The following ANGPT1 variants were observed in gnomAD, a reference collection of about 807,000 sequenced individuals.
The protein encoded by ANGPT1 is angiopoietin 1, also known as angiopoietin-1.
Under a neutral mutation model 62.2 loss-of-function variants are expected in ANGPT1, and 17 were observed. The observed-to-expected ratio is 0.27, with a 90% CI of 0.19 to 0.41. The LOEUF is 0.41. Ranked by LOEUF, ANGPT1 falls within the 10% of genes least tolerant of loss-of-function variation. The pLI, the probability that ANGPT1 is intolerant of heterozygous loss-of-function variation, is 1.00. For missense variants in ANGPT1, 478 were observed against 594.9 expected, an observed-to-expected ratio of 0.80 and a Z score of 2.04; for synonymous variants, 199 against 198.9, an observed-to-expected ratio of 1.00 and a Z score of 0.00.
intron 1 of ANGPT1, among the ~76,000 whole-genome samples, chr8:107,374,356 C>T (rs373973917): frequency 1.3e-5 from 2 of 152,130 alleles, no homozygotes; most frequent in Admixed American, 1.3e-4. Context: ...GTATTTTACA[C>T]AATGGCAGTT....
intron 1 of ANGPT1, among the ~76,000 whole-genome samples, chr8:107,393,542 G>C (rs1226238991): frequency 6.6e-6 from 1 of 152,160 alleles, no homozygotes; most frequent in Non-Finnish European, 1.5e-5. Flanking sequence ...GGGTGCAGCG[G>C]CTCACGCCTG....
At chr8:107,254,965 G>A (rs1338123685) in intron 8 of ANGPT1, among the ~76,000 whole-genome samples, 3 of 151,768 alleles carry the variant, frequency 2.0e-5, no homozygotes, top group African/African-American at 7.3e-5. Flanking sequence ...AAGCCATCCT[G>A]AGCATATGTG....
At chr8:107,274,418 T>C (rs1813811326) in intron 7 of ANGPT1, among the ~76,000 whole-genome samples, 1 of 152,132 alleles carries the variant, frequency 6.6e-6, no homozygotes, top group Non-Finnish European at 1.5e-5. Context: ...AGCAAAACTG[T>C]AGCCAGTTAA....
At chr8:107,413,441 G>C (rs1415131567) in intron 1 of ANGPT1, among the ~76,000 whole-genome samples, 1 of 151,976 alleles carries the variant, frequency 6.6e-6, no homozygotes, top group Non-Finnish European at 1.5e-5. Flanking sequence ...ATACTGTTGG[G>C]ACTGTAGTGA....
chr8:107,301,593 G>T (rs563761158), intron 5 of ANGPT1, among the ~76,000 whole-genome samples: 2 of 151,894 alleles, frequency 1.3e-5, no homozygotes, highest in South Asian at 2.1e-4. Context: ...TAAGCCATGG[G>T]ATTCAATGTA....
chr8:107,280,746 G>A (rs751594693), intron 7 of ANGPT1, among the ~76,000 whole-genome samples: 7 of 152,140 alleles, frequency 4.6e-5, no homozygotes, highest in South Asian at 2.1e-4. Context: ...GCCAGGTCAC[G>A]AAGAGTCTTA....
chr8:107,441,239 T>C (rs1811466561), intron 1 of ANGPT1, among the ~76,000 whole-genome samples: 1 of 152,222 alleles, frequency 6.6e-6, no homozygotes, highest in African/African-American at 2.4e-5. Context: ...TATCTATCCT[T>C]AATCATCTTT....
intron 7 of ANGPT1, among the ~76,000 whole-genome samples, chr8:107,271,533 T>C (rs1021555053): frequency 6.6e-6 from 1 of 151,722 alleles, no homozygotes; most frequent in Non-Finnish European, 1.5e-5. Flanking sequence ...GAGATACAGC[T>C]CATGAGGACA....
intron 1 of ANGPT1, among the ~76,000 whole-genome samples, chr8:107,446,924 C>T (rs1811638646): frequency 6.6e-6 from 1 of 152,120 alleles, no homozygotes; most frequent in Admixed American, 6.5e-5. Context: ...ACTCAGCTTC[C>T]AATTTTCCAC....
chr8:107,299,973 T>A (rs1814538690), intron 5 of ANGPT1, among the ~76,000 whole-genome samples: 2 of 134,496 alleles, frequency 1.5e-5, no homozygotes, highest in Admixed American at 7.5e-5. Flanking sequence ...TATATACTAG[T>A]TATATCTAGA....
chr8:107,409,787 AC>A (rs1412495398), intron 1 of ANGPT1, among the ~76,000 whole-genome samples: 2 of 151,858 alleles, frequency 1.3e-5, no homozygotes, highest in Non-Finnish European at 2.9e-5. Context: ...AAGTTTCGGA[AC>A]CCTCACTTAG....
chr8:107,455,897 G>T (rs1811906586), intron 1 of ANGPT1, among the ~76,000 whole-genome samples: 1 of 151,924 alleles, frequency 6.6e-6, no homozygotes, highest in Admixed American at 6.6e-5. Flanking sequence ...GCCTCAGAAA[G>T]ACCCAAAATA....
At chr8:107,432,314 T>G (rs1248357342) in intron 1 of ANGPT1, among the ~76,000 whole-genome samples, 1 of 152,186 alleles carries the variant, frequency 6.6e-6, no homozygotes, top group Non-Finnish European at 1.5e-5. Flanking sequence ...GGATTTACTT[T>G]CCAGAGAATT....
At chr8:107,399,897 G>A (rs1817010675) in intron 1 of ANGPT1, among the ~76,000 whole-genome samples, 1 of 152,118 alleles carries the variant, frequency 6.6e-6, no homozygotes, top group Non-Finnish European at 1.5e-5. Context: ...TAGTTGAGAT[G>A]TTGCGACACA....
intron 1 of ANGPT1, among the ~76,000 whole-genome samples, chr8:107,454,351 G>T (rs755242663): frequency 3.9e-5 from 6 of 152,026 alleles, no homozygotes; most frequent in Non-Finnish European, 7.4e-5. Context: ...AAGACATGCT[G>T]CTATTGGACA....
At chr8:107,299,619 C>A (rs998298123) in intron 5 of ANGPT1, among the ~76,000 whole-genome samples, 2 of 135,398 alleles carry the variant, frequency 1.5e-5, no homozygotes, top group South Asian at 2.3e-4. Flanking sequence ...TATTATATAT[C>A]TATATATAGA....
At chr8:107,295,585 C>G (rs1257286137) in intron 5 of ANGPT1, 1 of 151,958 alleles carries the variant, frequency 6.6e-6, no homozygotes, top group Non-Finnish European at 1.5e-5. Context: ...ATTTTCAGCT[C>G]TAATAGCCTG....
intron 1 of ANGPT1, among the ~76,000 whole-genome samples, chr8:107,424,056 G>A (rs1452561956): frequency 1.3e-5 from 2 of 151,518 alleles, no homozygotes; most frequent in African/African-American, 2.4e-5. Flanking sequence ...GGCTAGACTG[G>A]TCTCAAACTC....
chr8:107,260,656 A>G (rs1813470139), intron 8 of ANGPT1, among the ~76,000 whole-genome samples: 1 of 152,194 alleles, frequency 6.6e-6, no homozygotes, highest in Non-Finnish European at 1.5e-5. Flanking sequence ...TTAGCTATCT[A>G]AATTCCACAT....
Sources: allele counts gnomAD v4.1 joint callset (sites outside exome capture counted in the v4.1 genomes callset), GRCh38; gene constraint gnomAD v4.1.1; transcripts MANE v1.5; gene names NCBI Gene and HGNC (gene_info 2026-07-23, HGNC 2026-07-21).